The following PRKAG2 variants were observed in gnomAD, a reference collection of about 807,000 sequenced individuals.
PRKAG2 encodes protein kinase AMP-activated non-catalytic subunit gamma 2.
In PRKAG2, 26 loss-of-function variants were observed where a neutral mutation model predicts 69.6. The ratio of observed to expected loss-of-function variants is 0.37; its 90% CI spans 0.27 to 0.52. The LOEUF (loss-of-function observed/expected upper bound fraction) is 0.52. Ranked by LOEUF, PRKAG2 falls within the 20% of genes least tolerant of loss-of-function variation. The pLI is 0.90. For missense variants in PRKAG2, 557 were observed against 740.0 expected (o/e 0.75, Z 2.87); for synonymous variants, 293 against 285.0 (o/e 1.03, Z -0.28).
At chr7:151,572,735 T>C (rs372109262) in intron 8 of PRKAG2, 26 bp from the exon 9 acceptor site, 1 of 1,313,692 alleles carries the variant, frequency 7.6e-7, no homozygotes, top group Non-Finnish European at 1.1e-6. Flanking sequence ...TTCTTATTTA[T>C]AAATATACAT....
chr7:151,603,175 G>A (rs532286313), intron 5 of PRKAG2, among the ~76,000 whole-genome samples: 3 of 129,566 alleles, frequency 2.3e-5, no homozygotes, highest in South Asian at 5.2e-4. Flanking sequence ...CACCGCACAC[G>A]GAGGGACACG....
At chr7:151,635,866 ATTTTTT>A (rs1202730297) in intron 4 of PRKAG2, among the ~76,000 whole-genome samples, 1 of 139,786 alleles carries the variant, frequency 7.2e-6, no homozygotes, top group Non-Finnish European at 1.6e-5. Flanking sequence ...ATGACAATAA[ATTTTTT>A]TTTTTTTTTT....
At chr7:151,773,028 A>AGG (rs2076115287) in intron 3 of PRKAG2, among the ~76,000 whole-genome samples, 1 of 50,828 alleles carries the variant, frequency 2.0e-5, no homozygotes. Flanking sequence ...AAAGAAAGAG[A>AGG]GAGAGAGAGA....
intron 1 of PRKAG2, chr7:151,806,925 C>T (rs781186823): frequency 2.2e-6 from 1 of 448,668 alleles, no homozygotes; most frequent in South Asian, 1.6e-5. Context: ...AAGATCGCAC[C>T]ATTGCACTCC....
chr7:151,723,090 G>C (rs184553707), intron 3 of PRKAG2, among the ~76,000 whole-genome samples: 1 of 152,152 alleles, frequency 6.6e-6, no homozygotes, highest in Non-Finnish European at 1.5e-5. Flanking sequence ...CCACAGCCCC[G>C]GCTCTGAGAG....
chr7:151,663,004 G>A (rs1040749072), intron 4 of PRKAG2, among the ~76,000 whole-genome samples: 2 of 152,262 alleles, frequency 1.3e-5, no homozygotes, highest in South Asian at 2.1e-4. Context: ...GAGGTGGGTG[G>A]ATCACCTGAG....
At chr7:151,779,026 C>A (rs2076540934) in intron 3 of PRKAG2, among the ~76,000 whole-genome samples, 1 of 152,134 alleles carries the variant, frequency 6.6e-6, no homozygotes, top group Non-Finnish European at 1.5e-5. Flanking sequence ...TGCTTTCTTC[C>A]CCCATAAATG....
intron 3 of PRKAG2, among the ~76,000 whole-genome samples, chr7:151,705,450 C>G (rs200820178): frequency 6.6e-6 from 1 of 152,122 alleles, no homozygotes; most frequent in Non-Finnish European, 1.5e-5. Flanking sequence ...CCCGGTATGC[C>G]GAACACGCAG....
chr7:151,768,493 T>C (rs533974595), intron 3 of PRKAG2, among the ~76,000 whole-genome samples: 1 of 152,106 alleles, frequency 6.6e-6, no homozygotes, highest in Non-Finnish European at 1.5e-5. Context: ...GGAGATAGAG[T>C]CTCACTCTAT....
chr7:151,565,292 T>C, intron 13 of PRKAG2, 54 bp downstream of exon 13: 1 of 1,278,794 alleles, frequency 7.8e-7, no homozygotes, highest in Non-Finnish European at 1.1e-6. Context: ...ACACATTACA[T>C]GAATGTTTAA....
At chr7:151,854,142 A>C (rs532918391) in intron 1 of PRKAG2, among the ~76,000 whole-genome samples, 15 of 152,216 alleles carry the variant, frequency 9.9e-5, no homozygotes, top group Non-Finnish European at 2.2e-4. Flanking sequence ...CAGAGAGAAG[A>C]AGCCTCCACC....
chr7:151,631,858 C>A, intron 5 of PRKAG2: 1 of 494,900 alleles, frequency 2.0e-6, no homozygotes, highest in Non-Finnish European at 3.8e-6. Context: ...GCCTGGCTCG[C>A]GTCCCCTCCG....
At chr7:151,808,730 C>A (rs2078253207) in intron 1 of PRKAG2, among the ~76,000 whole-genome samples, 1 of 152,030 alleles carries the variant, frequency 6.6e-6, no homozygotes, top group Non-Finnish European at 1.5e-5. Context: ...CTCAGAAAGC[C>A]CCTCCCTCCC....
At chr7:151,871,118 C>T (rs986168975) in intron 1 of PRKAG2, among the ~76,000 whole-genome samples, 1 of 152,194 alleles carries the variant, frequency 6.6e-6, no homozygotes, top group Non-Finnish European at 1.5e-5. Flanking sequence ...CAGAGACACA[C>T]GACATGGCAG....
At chr7:151,817,888 T>C (rs1433375248) in intron 1 of PRKAG2, among the ~76,000 whole-genome samples, 1 of 152,176 alleles carries the variant, frequency 6.6e-6, no homozygotes, top group Admixed American at 6.5e-5. Context: ...AGGGCCACTG[T>C]CCCTTTATTC....
rs1257264009 is a variant in PRKAG2 at position 151,782,270 on chromosome 7, G to A, written c.187-839C>T. 8.2e-5 allele frequency among the ~76,000 whole-genome samples: 12 copies of A among 146,744 alleles called. No homozygotes were observed. The East Asian group carries it at 2.3e-3, about 28-fold the overall frequency. On this transcript the variant is annotated intron_variant, in intron 2 of 15. Transcript: ENST00000287878. ...TGCACTCCAGCCTGGGCAACAAAACGAGACTCCATTTCAAGAGAAAGGAAA... is the reference window on the plus strand; with the variant it reads ...TGCACTCCAGCCTGGGCAACAAAACAAGACTCCATTTCAAGAGAAAGGAAA...
At chr7:151,832,041 TGGAGGAA>T (rs1234666852) in intron 1 of PRKAG2, among the ~76,000 whole-genome samples, 1 of 152,004 alleles carries the variant, frequency 6.6e-6, no homozygotes, top group East Asian at 1.9e-4. Context: ...ATCTCCAAGA[TGGAGGAA>T]TCTCAGGAGT....
chr7:151,870,836 C>T (rs918574392), intron 1 of PRKAG2, among the ~76,000 whole-genome samples: 3 of 152,262 alleles, frequency 2.0e-5, no homozygotes, highest in Non-Finnish European at 2.9e-5. Flanking sequence ...CAGGCCCGCC[C>T]AAGCCCAGCC....
At position 151,632,429 on chromosome 7, in the gene PRKAG2, TG is replaced by T; in HGVS notation, c.685-292del. ...GGTACGGCCCGCCCGGGAGGAAGCGTGGGAAGGGACCCGGGAGCTCGAGGGC... is the reference window on the plus strand; with the variant it reads ...GGTACGGCCCGCCCGGGAGGAAGCGTGGAAGGGACCCGGGAGCTCGAGGGC... On this transcript the variant is annotated intron_variant, in intron 4 of 15. Transcript: ENST00000287878. This position sits in a 1 kb window ranked among gnomAD's most constrained non-coding sequence, Gnocchi z 4.2. 3.7e-6 allele frequency: 2 copies of T among 546,860 alleles called. No individual in the cohort carries two copies. The highest frequency in any genetic ancestry group is 7.9e-5 in the South Asian group (1 of 12,670). 33.9% of individuals were successfully genotyped at this position (546,860 alleles called of 1,614,324 possible).
Sources: allele counts gnomAD v4.1 joint callset (sites outside exome capture counted in the v4.1 genomes callset), GRCh38; gene constraint gnomAD v4.1.1; non-coding constraint Gnocchi (gnomAD v3.1); transcripts MANE v1.5; gene names NCBI Gene and HGNC (gene_info 2026-07-23, HGNC 2026-07-21).